Variants in TAF1A observed in about 807,000 individuals in gnomAD.
TAF1A encodes TATA-box binding protein associated factor, RNA polymerase I subunit A.
Under a neutral mutation model 61.6 loss-of-function variants are expected in TAF1A, and 42 were observed. The observed-to-expected ratio is 0.68, with a 90% CI of 0.53 to 0.88. The LOEUF (loss-of-function observed/expected upper bound fraction) is 0.88, where lower values mean the gene tolerates loss of function less well. TAF1A is among the 40% of genes least tolerant of loss of function. The pLI is 0.00. For synonymous variants in TAF1A, 179 were observed against 177.7 expected (o/e 1.01, Z -0.06); for missense variants, 424 against 518.7 (o/e 0.82, Z 1.77).
At chr1:222,563,914 G>T in intron 8 of TAF1A, 145 bp downstream of exon 8, 1 of 597,460 alleles carries the variant, frequency 1.7e-6, no homozygotes, top group East Asian at 3.2e-5. Context: ...AGCAGCCGCA[G>T]ACAATACAGA....
At chr1:222,557,619 T>A (rs1162649729), downstream of TAF1A, among the ~76,000 whole-genome samples, 1 of 53,332 alleles carries the variant, frequency 1.9e-5, no homozygotes, top group Non-Finnish European at 3.9e-5. Flanking sequence ...CCCGGCTAAT[T>A]TTTTTTTTGG....
Position 222,563,219 on chromosome 1 carries a change from T to G in TAF1A, c.1039A>C (p.Thr347Pro), listed in dbSNP as rs760948349. 1 of 1,613,088 alleles carries G rather than the reference T, an allele frequency of 6.2e-7. No homozygotes were observed. The highest frequency in any genetic ancestry group is 2.2e-5 in the East Asian group (1 of 44,772). ...LDFAGCTKNI[T>P]AWKYLAKYLK... ...TATTTTGCCAAGTATTTCCAAGCAG[T>G]TATATTCTTAGTGCATCCGGCAAAA... Residue 347 changes from threonine to proline, a missense_variant, in exon 9 of 11, where the codon ACT becomes CCT. Coordinates refer to ENST00000352967, the MANE Select transcript of TAF1A (RefSeq NM_005681.4).
chr1:222,583,987 ATACAAAC>A (rs939649722), intron 3 of TAF1A, 134 bp downstream of exon 3: 100 of 855,162 alleles, frequency 1.2e-4, no homozygotes, highest in Non-Finnish European at 1.6e-4. Flanking sequence ...AAAGGTCCCA[ATACAAAC>A]TCTCCACTCA....
chr1:222,578,868 T>C (rs1361492402), intron 4 of TAF1A, among the ~76,000 whole-genome samples: 2 of 152,294 alleles, frequency 1.3e-5, no homozygotes, highest in Non-Finnish European at 2.9e-5. Flanking sequence ...AATTGTATTA[T>C]CTATCCTAAT....
intron 6 of TAF1A, 128 bp from the exon 7 acceptor site, chr1:222,569,796 TC>T (rs753595229): frequency 5.4e-5 from 45 of 837,782 alleles, no homozygotes; most frequent in Non-Finnish European, 7.1e-5. Flanking sequence ...TCCCATTTTT[TC>T]CCTGTATTTT....
chr1:222,583,937 T>C (rs563822450), intron 3 of TAF1A, among the ~76,000 whole-genome samples, 191 bp downstream of exon 3: 1 of 152,224 alleles, frequency 6.6e-6, no homozygotes, highest in South Asian at 2.1e-4. Context: ...ATGAACATTT[T>C]AGTCCCCTTT....
In TAF1A at chr1:222,579,862, T is replaced by C. The variant is rs1401839970; in HGVS notation, c.302A>G (p.Lys101Arg). ...KRQAAPEIIW[K>R]LGSEILFYHP... is the part of the protein sequence containing the mutation. ...ATAAAATAGAATTTCACTTCCGAGC[T>C]TCCAAATAATCTGTCAAAGCAGAAA... Residue 101 changes from lysine (K) to arginine (R), a missense_variant, in exon 4 of 11, where the codon AAG (lysine) becomes AGG (arginine). Transcript: ENST00000352967. 1 of 1,603,846 alleles carries C rather than the reference T, an allele frequency of 6.2e-7. No homozygotes were observed. Among genetic ancestry groups the C allele is most frequent in the Non-Finnish European group, 8.5e-7 (1 of 1,177,314 alleles).
At position 222,558,742 on chromosome 1, in the gene TAF1A, T is replaced by G; in HGVS notation, c.1271A>C (p.Gln424Pro). 6.4e-7 allele frequency: 1 copy of G among 1,550,562 alleles called. No individual in the cohort carries two copies. The highest frequency in any genetic ancestry group is 1.9e-5 in the Admixed American group (1 of 53,170). ...TTTCTTCCCTAAGATTTGGTGATCT[T>G]GCTTTAAAATATACCGGAAATATCT... ...GCRYFRYILK[Q>P]DHQILGKKIK... Residue 424 changes from glutamine (Q) to proline (P), a missense_variant, in exon 11 of 11, where the codon CAA becomes CCA. Physicochemically the swap from Gln to Pro is moderately conservative, Grantham distance 76 (BLOSUM62 -1). Coordinates refer to ENST00000352967, the MANE Select transcript of TAF1A (RefSeq NM_005681.4).
At chr1:222,575,432 CAGG>C in intron 5 of TAF1A, among the ~76,000 whole-genome samples, 1 of 152,124 alleles carries the variant, frequency 6.6e-6, no homozygotes, top group Middle Eastern at 3.4e-3. Context: ...CACTTGAGCC[CAGG>C]AGGTCGAGGC....
downstream of TAF1A, chr1:222,558,006 C>T (rs1023022189): frequency 2.3e-4 from 35 of 151,596 alleles, no homozygotes; most frequent in Admixed American, 2.3e-3. Flanking sequence ...GCTTCAGCCT[C>T]CCGAGTATCT....
At chr1:222,561,993 A>G (rs1254612239) in intron 9 of TAF1A, among the ~76,000 whole-genome samples, 1 of 152,172 alleles carries the variant, frequency 6.6e-6, no homozygotes, top group Non-Finnish European at 1.5e-5. Context: ...TGTTCAATAA[A>G]TATTATCTAT....
chr1:222,564,288 T>C (rs1161042729), intron 7 of TAF1A, among the ~76,000 whole-genome samples, 163 bp from the exon 8 acceptor site: 3 of 124,346 alleles, frequency 2.4e-5, no homozygotes, highest in African/African-American at 9.2e-5. Flanking sequence ...AATCTAAGTA[T>C]AGAAAAGCAT....
At chr1:222,559,967 C>T (rs17163217) in intron 10 of TAF1A, among the ~76,000 whole-genome samples, 97,856 of 151,982 alleles carry the variant, frequency 0.64, 32,880 homozygotes, top group South Asian at 0.81. Flanking sequence ...GAAAGAATTT[C>T]GTTCCCACCC....
intron 5 of TAF1A, among the ~76,000 whole-genome samples, chr1:222,574,560 T>G (rs958875862): frequency 7.2e-5 from 11 of 152,298 alleles, no homozygotes; most frequent in Middle Eastern, 3.4e-3. Context: ...AAAGCAGAAT[T>G]ATTTATAATA....
chr1:222,559,705 T>A (rs1226934875), intron 10 of TAF1A, among the ~76,000 whole-genome samples: 1 of 151,942 alleles, frequency 6.6e-6, no homozygotes, highest in African/African-American at 2.4e-5. Flanking sequence ...TGAGATGGGG[T>A]CTCACTATGG....
rs771776048 is a variant in TAF1A at position 222,569,426 on chromosome 1, T to A, written c.894+84A>T. On this transcript the variant is annotated intron_variant, in intron 7 of 10. Coordinates refer to ENST00000352967, the MANE Select transcript of TAF1A (RefSeq NM_005681.4). ...CATTATTGAAATTTTCTGTAGATGC[T>A]ATAAAAGTTAGAAAGCAATGGCCTA... The A allele has an allele frequency of 1.9e-6, 3 of 1,610,484 alleles. No individual in the cohort carries two copies. In the African/African-American group the frequency reaches 4.0e-5, roughly 22 times the overall value.
chr1:222,581,643 G>C (rs1660793353), intron 3 of TAF1A, among the ~76,000 whole-genome samples: 1 of 152,172 alleles, frequency 6.6e-6, no homozygotes, highest in Non-Finnish European at 1.5e-5. Context: ...AGAAAGTGCA[G>C]GTTGCAGTTG....
intron 3 of TAF1A, among the ~76,000 whole-genome samples, chr1:222,582,115 C>T (rs1322403050): frequency 6.6e-6 from 1 of 152,152 alleles, no homozygotes; most frequent in Non-Finnish European, 1.5e-5. Flanking sequence ...GTCACTATCT[C>T]ATGTCAGTAA....
At position 222,586,420 on chromosome 1, in the gene TAF1A, G is replaced by A. The variant is rs545284467; in HGVS notation, c.121+2023C>T. On this transcript the variant is annotated intron_variant, in intron 2 of 10. Coordinates refer to ENST00000352967, the MANE Select transcript of TAF1A (RefSeq NM_005681.4). ...TTTAGATAACTATACCTAAATGTTT[G>A]GAAAATACTTTTGTCTTCCAACCTA... Among the ~76,000 whole-genome samples, 3 of 152,246 alleles carry A rather than the reference G, an allele frequency of 2.0e-5. No individual in the cohort carries two copies. The East Asian group carries it at 5.8e-4, about 29-fold the overall frequency.
Sources: gnomAD v4.1 joint callset for allele counts (sites outside exome capture counted in the v4.1 genomes callset) on GRCh38, gnomAD v4.1.1 for gene constraint, MANE v1.5 for transcripts, NCBI Gene and HGNC (gene_info 2026-07-23, HGNC 2026-07-21) for gene names.